Variants in NDRG3 observed in about 807,000 individuals in gnomAD.
NDRG3 encodes NDRG family member 3, also known as protein NDRG3.
NDRG3 carries 23 observed loss-of-function variants against 57.2 expected under a neutral mutation model. That is an observed-to-expected ratio of 0.40 (90% CI 0.29 to 0.57). The LOEUF (loss-of-function observed/expected upper bound fraction) is 0.57, where lower values mean the gene tolerates loss of function less well. Ranked by LOEUF, NDRG3 falls within the 20% of genes least tolerant of loss-of-function variation. The pLI, the probability that NDRG3 is intolerant of heterozygous loss-of-function variation, is 0.42. For missense variants in NDRG3, 384 were observed against 457.3 expected, an observed-to-expected ratio of 0.84 and a Z score of 1.46; for synonymous variants, 132 against 162.6, an observed-to-expected ratio of 0.81 and a Z score of 1.43.
chr20:36,653,275 A>C lies in NDRG3; in HGVS notation c.*245T>G. 1 of 419,288 alleles carries C rather than the reference A, an allele frequency of 2.4e-6. No homozygotes were observed. The allele number at this position is 419,288 out of a possible 1,614,324, so 26.0% of individuals were successfully genotyped here. A position where few individuals can be genotyped will look rare whatever the true frequency, so the allele number is the denominator to read the frequency against. On this transcript the variant is annotated 3_prime_UTR_variant, in exon 16 of 16. Coordinates refer to ENST00000349004, the MANE Select transcript of NDRG3 (RefSeq NM_032013.4). The surrounding 1 kb of genome is among the most constrained non-coding windows in gnomAD (Gnocchi z 4.2). Reference sequence around the variant, plus strand: ...CACGGGAAAAAGCTGGCAAGAGAGGATATGGAGAGATCTGATCAGCTAAAG... The same window carrying C: ...CACGGGAAAAAGCTGGCAAGAGAGGCTATGGAGAGATCTGATCAGCTAAAG...
chr20:36,732,009 C>T lies in NDRG3; in HGVS notation c.-48-10226G>A, dbSNP rs557881315. Among the ~76,000 whole-genome samples the T allele has an allele frequency of 1.0e-3, 156 of 151,690 alleles. 1 individual carries two copies. Among genetic ancestry groups the T allele is most frequent in the African/African-American group, 3.6e-3 (149 of 41,322 alleles). Reference sequence around the variant, plus strand: ...GATGGTATGTGCCTGTAGTATCAGCCACTCAGGAGGCTGAGGTGGGAGGAT... The same window carrying T: ...GATGGTATGTGCCTGTAGTATCAGCTACTCAGGAGGCTGAGGTGGGAGGAT... On this transcript the variant is annotated intron_variant, in intron 1 of 15. Coordinates refer to ENST00000349004, the MANE Select transcript of NDRG3 (RefSeq NM_032013.4).
chr20:36,684,363 A>C, intron 6 of NDRG3, 50 bp downstream of exon 6: 1 of 1,447,362 alleles, frequency 6.9e-7, no homozygotes, highest in South Asian at 1.1e-5. Context: ...TAAATAATTC[A>C]CCATAGAAAG....
In NDRG3 at chr20:36,718,218, G is replaced by C. The variant is rs78386605; in HGVS notation, c.57+3461C>G. ...GACAGAAGCATTCACATACTGGGGA[G>C]GGGGAGAGGGAGGCTAACGGGGTGG... On this transcript the variant is annotated intron_variant, in intron 2 of 15. Transcript: ENST00000349004. Among the ~76,000 whole-genome samples, 878 of 152,334 alleles carry C rather than the reference G, an allele frequency of 5.8e-3. 56 individuals are homozygous for C. The East Asian group carries it at 0.15, about 26-fold the overall frequency.
In NDRG3 at chr20:36,728,139, C is replaced by T. The variant is rs550902632; in HGVS notation, c.-48-6356G>A. Among the ~76,000 whole-genome samples the T allele has an allele frequency of 5.2e-3, 786 of 151,860 alleles. 8 individuals are homozygous for T. Among genetic ancestry groups the T allele is most frequent in the African/African-American group, 0.018 (759 of 41,404 alleles). ...CACGATCTCGGCTCACTGCAAACTC[C>T]GCCTCCCAAGTTCACGCCATTCTCC... On this transcript the variant is annotated intron_variant, in intron 1 of 15. Coordinates refer to ENST00000349004, the MANE Select transcript of NDRG3 (RefSeq NM_032013.4).
intron 2 of NDRG3, among the ~76,000 whole-genome samples, chr20:36,708,643 G>A (rs531459574): frequency 8.2e-6 from 1 of 121,944 alleles, no homozygotes; most frequent in Non-Finnish European, 1.7e-5. Context: ...GCGAGACTCC[G>A]TCTCAAAAAA....
intron 3 of NDRG3, among the ~76,000 whole-genome samples, chr20:36,705,855 C>T (rs895872332): frequency 2.0e-5 from 3 of 152,092 alleles, no homozygotes; most frequent in African/African-American, 7.2e-5. Context: ...AGCAATTCTC[C>T]CACCTCAGCC....
intron 9 of NDRG3, chr20:36,668,492 A>G (rs1200320623): frequency 6.6e-6 from 1 of 152,178 alleles, no homozygotes; most frequent in East Asian, 1.9e-4. Flanking sequence ...GTTTGTTTCC[A>G]TTTCAAATTA....
At chr20:36,743,603 A>G (rs1029505222) in intron 1 of NDRG3, among the ~76,000 whole-genome samples, 4 of 152,064 alleles carry the variant, frequency 2.6e-5, no homozygotes, top group Non-Finnish European at 4.4e-5. Context: ...TCACGAGGTC[A>G]GGAAATCGAG....
chr20:36,671,384 G>A lies in NDRG3; in HGVS notation c.545C>T (p.Thr182Ile), dbSNP rs1472454329. 6.2e-7 allele frequency: 1 copy of A among 1,613,880 alleles called. No homozygotes were observed. The highest frequency in any genetic ancestry group is 8.5e-7 in the Non-Finnish European group (1 of 1,179,830). Residue 182 changes from threonine (T) to isoleucine (I), a missense_variant, in exon 9 of 16, where the codon ACA (threonine) becomes ATA (isoleucine). Thr to Ile is a moderately conservative substitution (Grantham distance 89, BLOSUM62 -1). Transcript: ENST00000349004. ...CAAAATAATGTCCACAACATTGGTTGTCAGGCCAGAGAGCTGAAAAGATAA... is the reference window on the plus strand; with the variant it reads ...CAAAATAATGTCCACAACATTGGTTATCAGGCCAGAGAGCTGAAAAGATAA... Reference protein sequence around the residue: ...DWAASKLSGLTTNVVDIILAH... With the variant: ...DWAASKLSGLITNVVDIILAH...
chr20:36,724,289 C>G (rs1568667086), intron 1 of NDRG3, among the ~76,000 whole-genome samples: 1 of 152,136 alleles, frequency 6.6e-6, no homozygotes, highest in Non-Finnish European at 1.5e-5. Flanking sequence ...AAGTGTGAAC[C>G]ACCTAGAGAC....
chr20:36,663,741 A>G (rs536673927), intron 12 of NDRG3, among the ~76,000 whole-genome samples: 2 of 152,248 alleles, frequency 1.3e-5, no homozygotes, highest in Non-Finnish European at 2.9e-5. Context: ...ACTTCTGGAA[A>G]TCCATCCCAA....
intron 1 of NDRG3, among the ~76,000 whole-genome samples, chr20:36,733,073 G>C (rs1985373259): frequency 6.9e-6 from 1 of 144,540 alleles, no homozygotes; most frequent in Non-Finnish European, 1.5e-5. Flanking sequence ...CTTGAGCCCA[G>C]AAGGTGAAGG....
At chr20:36,665,866 G>A (rs1979586631) in intron 10 of NDRG3, among the ~76,000 whole-genome samples, 1 of 152,134 alleles carries the variant, frequency 6.6e-6, no homozygotes, top group Admixed American at 6.5e-5. Context: ...AAACTGCTGG[G>A]ATTATAGGCA....
chr20:36,714,814 T>C (rs1055496779), intron 2 of NDRG3, among the ~76,000 whole-genome samples: 2 of 151,072 alleles, frequency 1.3e-5, no homozygotes, highest in African/African-American at 4.8e-5. Flanking sequence ...AGTTTCTCCA[T>C]GTTGGTAAGG....
chr20:36,679,184 C>T (rs1981024240), intron 8 of NDRG3, among the ~76,000 whole-genome samples: 1 of 152,192 alleles, frequency 6.6e-6, no homozygotes, highest in Non-Finnish European at 1.5e-5. Flanking sequence ...GTCTTGAACT[C>T]CTGACCTCAA....
At chr20:36,684,389 T>C (rs751303072) in intron 6 of NDRG3, 24 bp downstream of exon 6, 2 of 1,599,668 alleles carry the variant, frequency 1.3e-6, no homozygotes, top group Admixed American at 3.3e-5. Flanking sequence ...AAAAACTGCA[T>C]GAAAGACTGC....
chr20:36,740,074 A>T (rs1985852928), intron 1 of NDRG3, among the ~76,000 whole-genome samples: 2 of 152,172 alleles, frequency 1.3e-5, no homozygotes, highest in African/African-American at 2.4e-5. Flanking sequence ...ATTATTGTCA[A>T]ATGCTATAGC....
At chr20:36,693,610 T>C (rs1402152451) in intron 3 of NDRG3, among the ~76,000 whole-genome samples, 1 of 151,852 alleles carries the variant, frequency 6.6e-6, no homozygotes, top group Non-Finnish European at 1.5e-5. Flanking sequence ...CCACTCCCCG[T>C]TGCACTGCCT....
intron 7 of NDRG3, among the ~76,000 whole-genome samples, chr20:36,681,267 T>C (rs1013948585): frequency 6.6e-6 from 1 of 152,106 alleles, no homozygotes; most frequent in Admixed American, 6.6e-5. Context: ...AGTTTTTTTT[T>C]CTGAAACCAT....
Sources: allele counts gnomAD v4.1 joint callset (sites outside exome capture counted in the v4.1 genomes callset), GRCh38; gene constraint gnomAD v4.1.1; non-coding constraint Gnocchi (gnomAD v3.1); transcripts MANE v1.5; gene names NCBI Gene and HGNC (gene_info 2026-07-23, HGNC 2026-07-21).